The following BSG variants were observed in gnomAD, a reference collection of about 807,000 sequenced individuals.
BSG encodes the protein basigin (Ok blood group), also known as basigin.
BSG carries 37 observed loss-of-function variants against 43.1 expected under a neutral mutation model. The observed-to-expected ratio is 0.86, with a 90% CI of 0.66 to 1.13. BSG has a LOEUF of 1.13. Among genes scored for constraint, BSG ranks in the 50% most tolerant of loss-of-function variants. The probability of loss-of-function intolerance (pLI) is 0.00; values close to 1 mark genes in which losing one functional copy is unlikely to be tolerated. For missense variants in BSG, 599 were observed against 554.2 expected (o/e 1.08, Z -0.81); for synonymous variants, 309 against 238.7 (o/e 1.29, Z -2.72).
chr19:576,605 C>CA (rs2145891488), intron 1 of BSG, among the ~76,000 whole-genome samples: 1 of 152,250 alleles, frequency 6.6e-6, no homozygotes, highest in Admixed American at 6.5e-5. Flanking sequence ...ACTAAAAATA[C>CA]AAAATATTAG....
chr19:571,564 C>T (rs1377140450), upstream of BSG: 2 of 779,588 alleles, frequency 2.6e-6, no homozygotes, highest in South Asian at 2.7e-5. Context: ...CAGTCGGACG[C>T]GTCTCCCCAA....
At chr19:574,256 A>G (rs1247289545) in intron 1 of BSG, among the ~76,000 whole-genome samples, 2 of 143,012 alleles carry the variant, frequency 1.4e-5, no homozygotes, top group African/African-American at 5.2e-5. Context: ...CTGTCTTTAA[A>G]AAAAAAAAAA....
Position 577,809 on chromosome 19 carries a change from T to G in BSG, c.103T>G (p.Trp35Gly), listed in dbSNP as rs1280584009. The G allele has an allele frequency of 1.4e-6, 2 of 1,445,538 alleles. No homozygotes were observed. Among genetic ancestry groups the G allele is most frequent in the Non-Finnish European group, 1.8e-6 (2 of 1,091,708 alleles). 89.5% of individuals were successfully genotyped at this position (1,445,538 alleles called of 1,614,324 possible). ...FVQAPLSQQR[W>G]VGGSVELHCE... Reference sequence around the variant, plus strand: ...CCAGGCGCCGCTGTCCCAGCAGAGGTGGGTGGGGGGCAGTGTGGAGCTGCA... The same window carrying G: ...CCAGGCGCCGCTGTCCCAGCAGAGGGGGGTGGGGGGCAGTGTGGAGCTGCA... Residue 35 changes from tryptophan to glycine, a missense_variant, in exon 2 of 9, where the codon TGG becomes GGG. By Grantham distance (184) the Trp-to-Gly change is radical (BLOSUM62 -2). Transcript: ENST00000333511.
In BSG at chr19:577,984, T is replaced by A. The variant is rs1233816635; in HGVS notation, c.278T>A (p.Ile93Asn). 1.9e-6 allele frequency: 3 copies of A among 1,611,878 alleles called. No individual in the cohort carries two copies. Among genetic ancestry groups the A allele is most frequent in the Non-Finnish European group, 2.5e-6 (3 of 1,179,642 alleles). ...ATYHQHAAST[I>N]SIDTLVEEDT... Reference sequence around the variant, plus strand: ...TACCACCAGCACGCGGCCAGCACCATCTCCATCGACACGCTCGTGGAGGAG... The same window carrying A: ...TACCACCAGCACGCGGCCAGCACCAACTCCATCGACACGCTCGTGGAGGAG... The change falls in exon 2 of 9, where the codon ATC (isoleucine) becomes AAC (asparagine). Residue 93 changes from isoleucine (I) to asparagine (N), a missense_variant. Physicochemically the swap from Ile to Asn is moderately radical, Grantham distance 149 (BLOSUM62 -3). Transcript: ENST00000333511.
Position 572,611 on chromosome 19 carries a change from T to C in BSG, c.-24T>C, listed in dbSNP as rs773022556. On this transcript the variant is annotated 5_prime_UTR_variant, in exon 1 of 9. Transcript: ENST00000333511. ...CGGCGGCGGCAGCGGTTGGAGGTTG[T>C]AGGACCGGCGAGGAATAGGAATCAT... 1.1e-5 allele frequency: 17 copies of C among 1,486,514 alleles called. No individual in the cohort carries two copies. The highest frequency in any genetic ancestry group is 1.5e-5 in the African/African-American group (1 of 68,946). 92.1% of individuals were successfully genotyped at this position (1,486,514 alleles called of 1,614,324 possible).
chr19:571,533 C>T (rs778398518), upstream of BSG: 2 of 779,580 alleles, frequency 2.6e-6, no homozygotes, highest in Non-Finnish European at 4.8e-6. Context: ...ATCCTCCGCT[C>T]CTGAGGCCCC....
chr19:571,375 AAC>A (rs1981220125), upstream of BSG: 2 of 613,190 alleles, frequency 3.3e-6, no homozygotes, highest in East Asian at 5.5e-5. Flanking sequence ...TTTAACTTCC[AAC>A]ACACACTTTC....
chr19:572,504 G>T (rs960919308), upstream of BSG: 4 of 1,203,662 alleles, frequency 3.3e-6, no homozygotes, highest in Non-Finnish European at 3.1e-6. Context: ...CGGCGTCCCC[G>T]GCGCTCGCCC....
chr19:581,815 C>T (rs3764938), intron 6 of BSG, among the ~76,000 whole-genome samples: 46,979 of 152,238 alleles, frequency 0.31, 8,010 homozygotes, highest in African/African-American at 0.45. Context: ...GCGGCACCTC[C>T]GCCCCACAGC....
chr19:582,275 C>T lies in BSG; in HGVS notation c.1070-31C>T, dbSNP rs572647656. 9.3e-6 allele frequency: 15 copies of T among 1,605,386 alleles called. No individual in the cohort carries two copies. In the African/African-American group the frequency reaches 1.8e-4, roughly 19 times the overall value. On this transcript the variant is annotated intron_variant, in intron 6 of 8. Transcript: ENST00000333511. ...CAGTGCTGACAGGCTGTCCTCTCGT[C>T]CTCTTTTTCATGGCGGCGGTCCTTC...
upstream of BSG, chr19:571,542 C>G (rs1157211505): frequency 1.3e-6 from 1 of 779,478 alleles, no homozygotes; most frequent in African/African-American, 1.7e-5. Flanking sequence ...TCCTGAGGCC[C>G]CCACAATGAA....
intron 3 of BSG, 25 bp downstream of exon 3, chr19:579,681 G>A (rs368943609): frequency 6.5e-5 from 103 of 1,583,978 alleles, no homozygotes; most frequent in Non-Finnish European, 7.7e-5. Flanking sequence ...ACGCCATGCC[G>A]CCACCTGCCC....
chr19:573,028 G>A (rs1183773979), intron 1 of BSG, among the ~76,000 whole-genome samples: 2 of 145,756 alleles, frequency 1.4e-5, no homozygotes, highest in South Asian at 2.3e-4. Flanking sequence ...TTGGTCAGGG[G>A]AGGTGGGCGT....
intron 2 of BSG, chr19:578,755 G>A: frequency 3.8e-6 from 1 of 263,082 alleles, no homozygotes; most frequent in South Asian, 3.4e-5. Flanking sequence ...TTTTCCTGGA[G>A]ATGGAGTCTT....
chr19:582,834 CTT>C lies in BSG; in HGVS notation c.*91_*92del. On this transcript the variant is annotated 3_prime_UTR_variant, in exon 9 of 9. Coordinates refer to ENST00000333511, the MANE Select transcript of BSG (RefSeq NM_001728.4). ...CTTGCAAGATTCCAAGTTCTCACCT[CTT>C]AAAGAAAACCCACCCCGTAGATTCC... 1 of 555,632 alleles carries C rather than the reference CTT, an allele frequency of 1.8e-6. No individual in the cohort carries two copies. 34.4% of individuals were successfully genotyped at this position (555,632 alleles called of 1,614,324 possible). A position where few individuals can be genotyped will look rare whatever the true frequency, so the allele number is the denominator to read the frequency against.
Sources: allele counts gnomAD v4.1 joint callset (sites outside exome capture counted in the v4.1 genomes callset), GRCh38; gene constraint gnomAD v4.1.1; transcripts MANE v1.5; gene names NCBI Gene and HGNC (gene_info 2026-07-23, HGNC 2026-07-21).